Variants in ZBTB16 observed in about 807,000 individuals in gnomAD.
ZBTB16 encodes zinc finger and BTB domain-containing protein 16.
Under a neutral mutation model 56.8 loss-of-function variants are expected in ZBTB16, and 8 were observed. That is an observed-to-expected ratio of 0.14 (90% CI 0.08 to 0.25). The LOEUF (loss-of-function observed/expected upper bound fraction) is 0.25. ZBTB16 is among the 10% of genes least tolerant of loss of function. The pLI is 1.00. For missense variants in ZBTB16, 625 were observed against 903.0 expected (o/e 0.69, Z 3.95); for synonymous variants, 363 against 368.5 (o/e 0.98, Z 0.17).
rs56112771 is a variant in ZBTB16, at chr11:114,191,011, G to T, written c.1453+3973G>T. ...CAGGCATGTCACGTGGCCAGAGCAG[G>T]AGCTAGAGAGAGAGAGTTGGGTGAG... is the stretch of plus-strand genomic sequence containing the variant. On this transcript the variant is annotated intron_variant, in intron 4 of 6. Transcript: ENST00000335953. Among the ~76,000 whole-genome samples the T allele has an allele frequency of 8.3e-3, 1,267 of 152,246 alleles. 7 individuals are homozygous for T. The highest frequency in any genetic ancestry group is 0.015 in the Non-Finnish European group (1,013 of 68,022).
intron 5 of ZBTB16, among the ~76,000 whole-genome samples, chr11:114,245,195 G>A (rs756642183): frequency 8.5e-5 from 13 of 152,168 alleles, no homozygotes; most frequent in Non-Finnish European, 1.0e-4. Flanking sequence ...CAGGCAGTCC[G>A]CATGGCTCTG....
intron 5 of ZBTB16, among the ~76,000 whole-genome samples, chr11:114,245,378 C>G (rs1014833429): frequency 6.6e-6 from 1 of 152,236 alleles, no homozygotes; most frequent in African/African-American, 2.4e-5. Context: ...CTTCTCTCAT[C>G]TGATTCCCTG....
chr11:114,156,276 G>A, intron 2 of ZBTB16, 61 bp from the exon 3 acceptor site: 2 of 1,557,910 alleles, frequency 1.3e-6, no homozygotes, highest in South Asian at 2.2e-5. Flanking sequence ...CCAGGTAGGG[G>A]ATGGCCCTGC....
intron 4 of ZBTB16, among the ~76,000 whole-genome samples, chr11:114,224,293 A>G (rs1248889162): frequency 6.6e-6 from 1 of 152,232 alleles, no homozygotes; most frequent in Non-Finnish European, 1.5e-5. Flanking sequence ...ACATTTGGTA[A>G]TTGATCTCTT....
At chr11:114,105,146 A>G (rs925262615) in intron 2 of ZBTB16, among the ~76,000 whole-genome samples, 4 of 152,184 alleles carry the variant, frequency 2.6e-5, no homozygotes, top group African/African-American at 9.7e-5. Flanking sequence ...TTCTTGCTGT[A>G]ATCCGAATAT....
Position 114,109,396 on chromosome 11 carries a change from A to G in ZBTB16, c.1268+44828A>G, listed in dbSNP as rs766585815. Among the ~76,000 whole-genome samples, 74 of 152,082 alleles carry G rather than the reference A, an allele frequency of 4.9e-4. 1 individual carries two copies. Among genetic ancestry groups the G allele is most frequent in the Non-Finnish European group, 9.7e-4 (66 of 68,014 alleles). On this transcript the variant is annotated intron_variant, in intron 2 of 6. Transcript: ENST00000335953. ...CTACAAATGTCTGCGCCTTTTCCTC[A>G]CATCTCAGATTCTTGCAGCCAGGCT...
intron 2 of ZBTB16, among the ~76,000 whole-genome samples, chr11:114,126,228 C>G (rs1413304940): frequency 1.3e-5 from 2 of 152,226 alleles, no homozygotes; most frequent in South Asian, 4.1e-4. Context: ...CTAATGCCAG[C>G]TCTGCCCCAT....
chr11:114,111,244 A>G (rs1940996132), intron 2 of ZBTB16, among the ~76,000 whole-genome samples: 2 of 151,826 alleles, frequency 1.3e-5, no homozygotes, highest in Non-Finnish European at 2.9e-5. Context: ...TTTTAAGTTA[A>G]GTTGAGTGAA....
chr11:114,187,210 C>T (rs1943380783), intron 4 of ZBTB16, 172 bp downstream of exon 4: 1 of 719,912 alleles, frequency 1.4e-6, no homozygotes, highest in Non-Finnish European at 2.5e-6. Context: ...GTCTGTGTGG[C>T]TGGCCCAGCA....
chr11:114,172,778 A>G (rs907670812), intron 3 of ZBTB16, among the ~76,000 whole-genome samples: 1 of 152,250 alleles, frequency 6.6e-6, no homozygotes, highest in African/African-American at 2.4e-5. Flanking sequence ...TCTGTTTTCA[A>G]GCAGCTATGG....
intron 2 of ZBTB16, among the ~76,000 whole-genome samples, chr11:114,095,884 T>C (rs1213744661): frequency 2.0e-5 from 3 of 152,164 alleles, no homozygotes; most frequent in Admixed American, 6.5e-5. Flanking sequence ...TATTTAACTT[T>C]TCAGGGTCCC....
chr11:114,190,214 G>GTTC (rs551628727), intron 4 of ZBTB16, among the ~76,000 whole-genome samples: 35 of 152,316 alleles, frequency 2.3e-4, no homozygotes, highest in African/African-American at 8.4e-4. Context: ...ATGGAGTGAT[G>GTTC]AAAATGTTCT....
chr11:114,217,141 G>C (rs899497099), intron 4 of ZBTB16, among the ~76,000 whole-genome samples: 5 of 152,232 alleles, frequency 3.3e-5, no homozygotes, highest in African/African-American at 1.2e-4. Context: ...GAGTAGCTCA[G>C]CTGAGATAGA....
rs918273236 is a variant in ZBTB16 at position 114,175,677 on chromosome 11, C to T, written c.1367-11275C>T. ...GAGATCTCAGCATTGTGAGAGGACTCGGCATTCTCTTCAGTCAGTGGGAAA... is the reference window on the plus strand; with the variant it reads ...GAGATCTCAGCATTGTGAGAGGACTTGGCATTCTCTTCAGTCAGTGGGAAA... On this transcript the variant is annotated intron_variant, in intron 3 of 6. Coordinates refer to ENST00000335953, the MANE Select transcript of ZBTB16 (RefSeq NM_006006.6). Among the ~76,000 whole-genome samples, 7 of 152,072 alleles carry T rather than the reference C, an allele frequency of 4.6e-5. No individual in the cohort carries two copies. In the East Asian group the frequency reaches 7.7e-4, roughly 17 times the overall value.
intron 4 of ZBTB16, among the ~76,000 whole-genome samples, chr11:114,231,221 C>G (rs1277921188): frequency 1.3e-5 from 2 of 152,208 alleles, no homozygotes; most frequent in African/African-American, 4.8e-5. Flanking sequence ...CCGTGAAGCT[C>G]TGGACACACA....
At chr11:114,229,723 G>A (rs1363893620) in intron 4 of ZBTB16, among the ~76,000 whole-genome samples, 5 of 152,080 alleles carry the variant, frequency 3.3e-5, no homozygotes, top group African/African-American at 7.2e-5. Flanking sequence ...TGATGACATG[G>A]ATGCTTAGAA....
intron 2 of ZBTB16, among the ~76,000 whole-genome samples, chr11:114,085,480 A>G (rs545460118): frequency 1.3e-5 from 2 of 150,960 alleles, no homozygotes; most frequent in East Asian, 4.0e-4. Flanking sequence ...AACAGAAATG[A>G]CAGCCATATG....
At chr11:114,094,276 C>G (rs1265487707) in intron 2 of ZBTB16, among the ~76,000 whole-genome samples, 1 of 152,142 alleles carries the variant, frequency 6.6e-6, no homozygotes, top group East Asian at 1.9e-4. Flanking sequence ...GGTTGTGCCA[C>G]TGCACTCCAG....
chr11:114,146,647 G>A (rs1377699116), intron 2 of ZBTB16, among the ~76,000 whole-genome samples: 6 of 152,048 alleles, frequency 3.9e-5, no homozygotes, highest in Non-Finnish European at 7.4e-5. Context: ...AGGAGTTGGA[G>A]ACAGCCTGGC....
Sources: gnomAD v4.1 joint callset for allele counts (sites outside exome capture counted in the v4.1 genomes callset) on GRCh38, gnomAD v4.1.1 for gene constraint, MANE v1.5 for transcripts, NCBI Gene and HGNC (gene_info 2026-07-23, HGNC 2026-07-21) for gene names.